RAD51B: variants seen among roughly 807,000 people sequenced by gnomAD.
RAD51B encodes the protein RAD51 paralog B, also known as DNA repair protein RAD51 homolog 2.
RAD51B carries 38 observed loss-of-function variants against 42.2 expected under a neutral mutation model. That is an observed-to-expected ratio of 0.90 (90% CI 0.70 to 1.18). The LOEUF (loss-of-function observed/expected upper bound fraction) is 1.18. Ranked by LOEUF, RAD51B falls within the 50% of genes most tolerant of loss-of-function variation. The pLI, the probability that RAD51B is intolerant of heterozygous loss-of-function variation, is 0.00. For missense variants in RAD51B, 373 were observed against 400.7 expected (o/e 0.93, Z 0.59); for synonymous variants, 154 against 145.2 (o/e 1.06, Z -0.43).
intron 8 of RAD51B, among the ~76,000 whole-genome samples, chr14:68,388,048 C>G (rs2083640157): frequency 7.1e-6 from 1 of 140,018 alleles, no homozygotes; most frequent in Non-Finnish European, 1.5e-5. Flanking sequence ...ACATATGTGA[C>G]TTGCATTGTG....
chr14:68,577,225 G>T (rs1469009719), intron 10 of RAD51B, among the ~76,000 whole-genome samples: 1 of 152,172 alleles, frequency 6.6e-6, no homozygotes, highest in African/African-American at 2.4e-5. Context: ...GTCCGGGAGA[G>T]AGTTGGGAGG....
chr14:68,185,151 A>T (rs955679420), intron 7 of RAD51B, among the ~76,000 whole-genome samples: 3 of 152,204 alleles, frequency 2.0e-5, no homozygotes, highest in Admixed American at 2.0e-4. Flanking sequence ...ATGTAAAATC[A>T]TGAAAAATAA....
In RAD51B at chr14:67,940,900, TTACCTC is replaced by T. The variant is rs36114531; in HGVS notation, c.756+53700_756+53705del. ...TTTTGACTCAGACTTTTTTCACCCTTTACCTCTACTCTCCAATTCATGTTTCCTTCT... is the reference window on the plus strand; with the variant it reads ...TTTTGACTCAGACTTTTTTCACCCTTTACTCTCCAATTCATGTTTCCTTCT... On this transcript the variant is annotated intron_variant, in intron 7 of 10. Transcript: ENST00000471583. Among the ~76,000 whole-genome samples, 533 of 152,338 alleles carry T rather than the reference TTACCTC, an allele frequency of 3.5e-3. 2 individuals carry two copies. The highest frequency in any genetic ancestry group is 0.012 in the African/African-American group (503 of 41,584).
intron 8 of RAD51B, among the ~76,000 whole-genome samples, chr14:68,320,583 T>A (rs558844582): frequency 6.6e-6 from 1 of 152,304 alleles, no homozygotes; most frequent in African/African-American, 2.4e-5. Context: ...CCTCTCTTCC[T>A]CCTCCCTGCT....
chr14:68,327,292 T>C (rs1389566888), intron 8 of RAD51B, among the ~76,000 whole-genome samples: 2 of 152,282 alleles, frequency 1.3e-5, no homozygotes, highest in African/African-American at 4.8e-5. Context: ...CCACATTTTT[T>C]TGGTGGAGAG....
chr14:68,282,907 A>G (rs1442430111), intron 7 of RAD51B, among the ~76,000 whole-genome samples: 2 of 151,698 alleles, frequency 1.3e-5, no homozygotes, highest in Non-Finnish European at 2.9e-5. Context: ...GGGACCCGAG[A>G]CTCCTCTGCT....
At chr14:68,053,563 G>A (rs985813132) in intron 7 of RAD51B, among the ~76,000 whole-genome samples, 3 of 152,208 alleles carry the variant, frequency 2.0e-5, no homozygotes, top group East Asian at 1.9e-4. Flanking sequence ...CTTAATGATA[G>A]AGACTGAGAA....
intron 7 of RAD51B, among the ~76,000 whole-genome samples, chr14:68,288,751 C>T (rs2081460381): frequency 6.6e-6 from 1 of 152,166 alleles, no homozygotes; most frequent in South Asian, 2.1e-4. Context: ...ACATGCTTTG[C>T]ATGGTAGGTA....
intron 7 of RAD51B, among the ~76,000 whole-genome samples, chr14:68,258,443 T>TCTCACACA (rs1555382642): frequency 3.3e-5 from 5 of 150,106 alleles, no homozygotes; most frequent in African/African-American, 9.9e-5. Context: ...TCTCTCTCTC[T>TCTCACACA]CACACACACA....
chr14:68,067,838 A>T (rs1391067426), intron 7 of RAD51B, among the ~76,000 whole-genome samples: 1 of 147,632 alleles, frequency 6.8e-6, no homozygotes, highest in Admixed American at 6.8e-5. Flanking sequence ...AGGCTGAGGC[A>T]GGAGAATCCC....
intron 8 of RAD51B, among the ~76,000 whole-genome samples, chr14:68,401,414 C>G (rs935487015): frequency 4.6e-5 from 7 of 152,196 alleles, no homozygotes; most frequent in Admixed American, 4.6e-4. Flanking sequence ...ATACCAGTCT[C>G]TAGCCTAGTG....
chr14:67,847,615 AT>A (rs2041665100), intron 4 of RAD51B, among the ~76,000 whole-genome samples: 1 of 151,794 alleles, frequency 6.6e-6, no homozygotes, highest in Non-Finnish European at 1.5e-5. Flanking sequence ...ATTCATTTTA[AT>A]TTTTTTGGCA....
intron 10 of RAD51B, among the ~76,000 whole-genome samples, chr14:68,489,006 T>G (rs1207731025): frequency 6.6e-6 from 1 of 152,110 alleles, no homozygotes; most frequent in African/African-American, 2.4e-5. Flanking sequence ...CAAGGCGGAG[T>G]GCAATGGCGC....
chr14:68,468,111 G>A (rs1454803567), intron 9 of RAD51B, 61 bp from the exon 10 acceptor site: 4 of 1,417,772 alleles, frequency 2.8e-6, no homozygotes, highest in East Asian at 4.6e-5. Flanking sequence ...GGGAAGGGGA[G>A]TGAATAGAGG....
intron 8 of RAD51B, among the ~76,000 whole-genome samples, chr14:68,384,597 G>A (rs940963442): frequency 4.6e-5 from 7 of 152,194 alleles, no homozygotes; most frequent in Admixed American, 3.3e-4. Flanking sequence ...TCTCTCCACT[G>A]CCTGTGAAGG....
At chr14:68,296,706 C>T (rs780030436) in intron 8 of RAD51B, among the ~76,000 whole-genome samples, 3 of 152,148 alleles carry the variant, frequency 2.0e-5, no homozygotes, top group Admixed American at 6.5e-5. Context: ...TTTCTTCTGA[C>T]GATTTAACAG....
chr14:68,270,592 C>T (rs1047981308), intron 7 of RAD51B, among the ~76,000 whole-genome samples: 8 of 152,154 alleles, frequency 5.3e-5, no homozygotes, highest in African/African-American at 1.9e-4. Flanking sequence ...GGCTGTTATG[C>T]AGTGTAATTT....
At chr14:68,451,172 A>T (rs1422147670) in intron 9 of RAD51B, among the ~76,000 whole-genome samples, 1 of 152,206 alleles carries the variant, frequency 6.6e-6, no homozygotes, top group African/African-American at 2.4e-5. Flanking sequence ...AATGATTCTA[A>T]TGAGAATTTT....
intron 7 of RAD51B, among the ~76,000 whole-genome samples, chr14:68,056,949 C>T (rs1178177527): frequency 6.6e-6 from 1 of 151,576 alleles, no homozygotes; most frequent in Non-Finnish European, 1.5e-5. Context: ...ATTAGCCCAC[C>T]ATGGTAGCAG....
Sources: allele counts gnomAD v4.1 joint callset (sites outside exome capture counted in the v4.1 genomes callset), GRCh38; gene constraint gnomAD v4.1.1; transcripts MANE v1.5; gene names NCBI Gene and HGNC (gene_info 2026-07-23, HGNC 2026-07-21).